DPP6: variants seen among roughly 807,000 people sequenced by gnomAD.
The protein encoded by DPP6 is A-type potassium channel modulatory protein DPP6.
DPP6 carries 69 observed loss-of-function variants against 122.6 expected under a neutral mutation model. That is an observed-to-expected ratio of 0.56 (90% confidence interval 0.46 to 0.69). The LOEUF (loss-of-function observed/expected upper bound fraction) is 0.69, where lower values mean the gene tolerates loss of function less well. Among genes scored for constraint, DPP6 ranks in the 30% least tolerant of loss-of-function variants. The probability of loss-of-function intolerance (pLI) is 0.00; values close to 1 mark genes in which losing one functional copy is unlikely to be tolerated. For synonymous variants in DPP6, 418 were observed against 433.1 expected, an observed-to-expected ratio of 0.97 and a Z score of 0.43; for missense variants, 928 against 1,116.9, an observed-to-expected ratio of 0.83 and a Z score of 2.41.
rs188158483 is a variant in DPP6 at position 154,230,545 on chromosome 7, G to C, written c.243+177482G>C. ...AGCCCATGAGAGCCACAAGGGACTTGAGTGTCTTCTGGTTCAACCACCTCA... is the reference window on the plus strand; with the variant it reads ...AGCCCATGAGAGCCACAAGGGACTTCAGTGTCTTCTGGTTCAACCACCTCA... On this transcript the variant is annotated intron_variant, in intron 1 of 25. Transcript: ENST00000377770. Among the ~76,000 whole-genome samples, 5 of 152,314 alleles carry C rather than the reference G, an allele frequency of 3.3e-5. No homozygotes were observed. The East Asian group carries it at 9.6e-4, about 29-fold the overall frequency.
intron 16 of DPP6, among the ~76,000 whole-genome samples, chr7:154,829,276 G>A (rs1280236290): frequency 6.6e-6 from 1 of 151,868 alleles, no homozygotes; most frequent in African/African-American, 2.4e-5. Context: ...CCAGCTGCTT[G>A]AGAGGCTGAG....
chr7:154,002,913 C>T lies in DPP6; in HGVS notation c.51+115179C>T, dbSNP rs1298427867. Among the ~76,000 whole-genome samples, 3 of 152,174 alleles carry T rather than the reference C, an allele frequency of 2.0e-5. No individual in the cohort carries two copies. The East Asian group carries it at 5.8e-4, about 29-fold the overall frequency. On this transcript the variant is annotated intron_variant, in intron 1 of 25. Transcript: ENST00000404039. ...CACCCTGCCTCTGCCCGTGGCCCAG[C>T]TCTGCTTGAGTCTGTCACTGTCTCC...
chr7:153,810,224 CCAT>C, the DPP6 span, among the ~76,000 whole-genome samples: 5 of 152,168 alleles, frequency 3.3e-5, no homozygotes, highest in African/African-American at 1.2e-4. Context: ...TGAAATATCA[CCAT>C]CATTTCACAG....
At chr7:154,226,773 G>C (rs1167572997) in intron 1 of DPP6, among the ~76,000 whole-genome samples, 3 of 152,116 alleles carry the variant, frequency 2.0e-5, no homozygotes, top group Non-Finnish European at 2.9e-5. Flanking sequence ...GCTTATTTTT[G>C]GTGGTATGTG....
intron 1 of DPP6, chr7:154,305,042 GCCCCAGCCCCA>G (rs1806184582): frequency 5.2e-5 from 1 of 19,136 alleles, no homozygotes; most frequent in African/African-American, 1.7e-4. Flanking sequence ...CCCAGCCCCA[GCCCCAGCCCCA>G]GCCCCAGCCC....
At chr7:154,830,710 A>C (rs1800565238) in intron 16 of DPP6, among the ~76,000 whole-genome samples, 1 of 152,212 alleles carries the variant, frequency 6.6e-6, no homozygotes, top group African/African-American at 2.4e-5. Context: ...GATGGCTTGC[A>C]GGGTTGCTGC....
intron 16 of DPP6, among the ~76,000 whole-genome samples, chr7:154,812,494 C>T (rs1799130225): frequency 6.6e-6 from 1 of 152,150 alleles, no homozygotes; most frequent in Non-Finnish European, 1.5e-5. Context: ...ATGGTTGATT[C>T]TGGTAAGGGC....
At chr7:154,465,937 G>C (rs982033551) in intron 2 of DPP6, among the ~76,000 whole-genome samples, 5 of 152,130 alleles carry the variant, frequency 3.3e-5, no homozygotes, top group African/African-American at 1.2e-4. Flanking sequence ...ATTCACAATA[G>C]CAAAGACTTG....
chr7:154,329,359 G>C (rs2151033773), intron 1 of DPP6, among the ~76,000 whole-genome samples: 1 of 152,350 alleles, frequency 6.6e-6, no homozygotes, highest in Non-Finnish European at 1.5e-5. Context: ...GGGACGATGA[G>C]CTTTTCTCAT....
chr7:154,748,925 C>T (rs532122627), intron 8 of DPP6, among the ~76,000 whole-genome samples: 5 of 152,256 alleles, frequency 3.3e-5, no homozygotes, highest in East Asian at 1.9e-4. Flanking sequence ...CTTAAGAGCG[C>T]GACCCATTCG....
chr7:154,671,639 A>G (rs899618187), intron 7 of DPP6, among the ~76,000 whole-genome samples: 1 of 151,554 alleles, frequency 6.6e-6, no homozygotes, highest in African/African-American at 2.4e-5. Context: ...GTGCATGCAT[A>G]TGTGTGTGTG....
the DPP6 span, among the ~76,000 whole-genome samples, chr7:153,791,420 C>CTTTTTT: frequency 8.3e-5 from 2 of 24,232 alleles, no homozygotes; most frequent in African/African-American, 2.4e-4. Context: ...TCCTTCCTTC[C>CTTTTTT]TTTCTTTTTT....
chr7:154,598,044 C>T (rs1354149264), intron 5 of DPP6, among the ~76,000 whole-genome samples: 2 of 152,098 alleles, frequency 1.3e-5, no homozygotes, highest in Non-Finnish European at 2.9e-5. Flanking sequence ...CTGAGGATAA[C>T]GACTCCAACA....
Position 154,760,348 on chromosome 7 carries a change from G to GA in DPP6, c.884-9069_884-9068insA, listed in dbSNP as rs1264756260. 1.7e-4 allele frequency among the ~76,000 whole-genome samples: 26 copies of GA among 152,200 alleles called. No homozygotes were observed. Among genetic ancestry groups the GA allele is most frequent in the African/African-American group, 3.9e-4 (16 of 41,534 alleles). ...ATGGGCTGTGTGTGCAAATTCAGGG[G>GA]GGTGGGGTGGAGGAAATTCAGTCCA... is the stretch of plus-strand genomic sequence containing the variant. On this transcript the variant is annotated intron_variant, in intron 8 of 25. Transcript: ENST00000377770. This position sits in a 1 kb window ranked among gnomAD's most constrained non-coding sequence, Gnocchi z 4.5.
At chr7:154,716,278 C>G (rs1388869124) in intron 7 of DPP6, among the ~76,000 whole-genome samples, 1 of 151,904 alleles carries the variant, frequency 6.6e-6, no homozygotes, top group Non-Finnish European at 1.5e-5. Context: ...CAAGGCTTCT[C>G]CCACCTGGAA....
chr7:154,626,657 T>C (rs985078797), intron 5 of DPP6, among the ~76,000 whole-genome samples: 8 of 152,236 alleles, frequency 5.3e-5, no homozygotes, highest in Admixed American at 2.0e-4. Context: ...ATTTCTACTC[T>C]CTTAAATGTA....
chr7:154,442,161 A>G (rs1819432075), intron 1 of DPP6, among the ~76,000 whole-genome samples: 1 of 152,124 alleles, frequency 6.6e-6, no homozygotes, highest in African/African-American at 2.4e-5. Context: ...CATCCACTCA[A>G]CACAGTCTCT....
chr7:154,517,126 G>A (rs1214141025), intron 3 of DPP6, among the ~76,000 whole-genome samples: 2 of 152,184 alleles, frequency 1.3e-5, no homozygotes, highest in Non-Finnish European at 2.9e-5. Context: ...AAAGTGCTGA[G>A]TGTGGACCAA....
chr7:154,566,321 G>T (rs1051065297), intron 4 of DPP6, among the ~76,000 whole-genome samples: 1 of 151,408 alleles, frequency 6.6e-6, no homozygotes, highest in African/African-American at 2.4e-5. Context: ...CACTCTTGTT[G>T]CCCAGGCTGG....
Sources: gnomAD v4.1 joint callset for allele counts (sites outside exome capture counted in the v4.1 genomes callset) on GRCh38, gnomAD v4.1.1 for gene constraint, Gnocchi (gnomAD v3.1) non-coding constraint, MANE v1.5 for transcripts, NCBI Gene and HGNC (gene_info 2026-07-23, HGNC 2026-07-21) for gene names.